Variants in DSPP observed in about 807,000 individuals in gnomAD.
DSPP encodes the protein dentin sialophosphoprotein.
In DSPP, 28 loss-of-function variants were observed where a neutral mutation model predicts 29.1. The ratio of observed to expected loss-of-function variants is 0.96; its 90% CI spans 0.71 to 1.32. DSPP has a LOEUF of 1.32. Among genes scored for constraint, DSPP ranks in the 40% most tolerant of loss-of-function variants. The probability of loss-of-function intolerance (pLI) is 0.00; values close to 1 mark genes in which losing one functional copy is unlikely to be tolerated. For missense variants in DSPP, 1,281 were observed against 1,629.9 expected (o/e 0.79, Z 3.69); for synonymous variants, 481 against 503.4 (o/e 0.96, Z 0.60).
chr4:87,613,144 G>C lies in DSPP; in HGVS notation c.958G>C (p.Asp320His). The C allele has an allele frequency of 6.2e-7, 1 of 1,614,188 alleles. No homozygotes were observed. The highest frequency in any genetic ancestry group is 8.5e-7 in the Non-Finnish European group (1 of 1,180,032). Residue 320 changes from aspartate to histidine, a missense_variant, in exon 4 of 5, where the codon GAC (aspartate) becomes CAC (histidine). Around this residue, in one of 4 missense-constraint regions of DSPP, gnomAD observed 631 missense variants for 643.2 expected, o/e 0.98. Coordinates refer to ENST00000651931, the MANE Select transcript of DSPP (RefSeq NM_014208.3). ...AGATCCCCATAATGAAGTTGATGGA[G>C]ACAAGACCTCCAAGAGTGAGGAGAA... Reference protein sequence around the residue: ...KEDPHNEVDGDKTSKSEENSA... With the variant: ...KEDPHNEVDGHKTSKSEENSA...
At chr4:87,610,847 A>G (rs1727719511) in intron 1 of DSPP, 34 bp from the exon 2 acceptor site, 10 of 1,407,808 alleles carry the variant, frequency 7.1e-6, no homozygotes, top group South Asian at 4.6e-5. Context: ...CCTTTACTTT[A>G]TAAGTAATTT....
At position 87,612,976 on chromosome 4, in the gene DSPP, G is replaced by T. The variant is rs776955343; in HGVS notation, c.790G>T (p.Asp264Tyr). Residue 264 changes from aspartate (D) to tyrosine (Y), a missense_variant, in exon 4 of 5, where the codon GAT (aspartate) becomes TAT (tyrosine). Coordinates refer to ENST00000651931, the MANE Select transcript of DSPP (RefSeq NM_014208.3). ...DEDEGSGDDE[D>Y]EEAGNGKDSS... ...AGACGAGGGTTCTGGTGATGATGAA[G>T]ATGAAGAAGCAGGGAATGGAAAAGA... 1.9e-6 allele frequency: 3 copies of T among 1,614,170 alleles called. No homozygotes were observed. Among genetic ancestry groups the T allele is most frequent in the Non-Finnish European group, 2.5e-6 (3 of 1,180,030 alleles).
At chr4:87,612,027 G>A in intron 2 of DSPP, 78 bp from the exon 3 acceptor site, 1 of 1,275,300 alleles carries the variant, frequency 7.8e-7, no homozygotes, top group African/African-American at 1.5e-5. Context: ...GTGTGTGTGT[G>A]TGTGTGTGTG....
In DSPP at chr4:87,613,196, G is replaced by T; in HGVS notation, c.1010G>T (p.Gly337Val). The T allele has an allele frequency of 6.2e-7, 1 of 1,614,058 alleles. No homozygotes were observed. The highest frequency in any genetic ancestry group is 1.7e-4 in the Middle Eastern group (1 of 6,060). Residue 337 changes from glycine to valine, a missense_variant, in exon 4 of 5, where the codon GGC (glycine) becomes GTC (valine). Around this residue, in one of 4 missense-constraint regions of DSPP, gnomAD observed 631 missense variants for 643.2 expected, o/e 0.98. Coordinates refer to ENST00000651931, the MANE Select transcript of DSPP (RefSeq NM_014208.3). ...TCTGCTGGTATTCCAGAAGACAATG[G>T]CAGCCAAAGAATAGAGGACACCCAG... ...ENSAGIPEDN[G>V]SQRIEDTQKL...
rs761458838 is a variant in DSPP at position 87,616,185 on chromosome 4, A to G, written c.3523A>G (p.Ser1175Gly). The change falls in exon 5 of 5, where the codon AGT (serine) becomes GGT (glycine). Residue 1175 changes from serine (S) to glycine (G), a missense_variant. By Grantham distance (56) the Ser-to-Gly change is moderately conservative. Coordinates refer to ENST00000651931, the MANE Select transcript of DSPP (RefSeq NM_014208.3). ...CGACAGCAGCGACAGCAGCGATAGCAGTGACAGCAGCAATAGCAGTGATAG... is the reference window on the plus strand; with the variant it reads ...CGACAGCAGCGACAGCAGCGATAGCGGTGACAGCAGCAATAGCAGTGATAG... ...SSDSSDSSDSSDSSNSSDSSD... is the reference protein window; with the variant it reads ...SSDSSDSSDSGDSSNSSDSSD... 5 of 1,547,532 alleles carry G rather than the reference A, an allele frequency of 3.2e-6. No individual in the cohort carries two copies. In the African/African-American group the frequency reaches 6.9e-5, roughly 21 times the overall value.
intron 2 of DSPP, among the ~76,000 whole-genome samples, chr4:87,611,821 C>T (rs916679129): frequency 2.0e-5 from 3 of 152,158 alleles, no homozygotes; most frequent in African/African-American, 7.2e-5. Flanking sequence ...AAGACTCTTT[C>T]CTTCTACAGT....
Position 87,615,999 on chromosome 4 carries a change from GATAGCAGTGACAGCAGTGACAGCAGCA to G in DSPP, c.3364_3390del (p.Asn1122_Ser1130del), listed in dbSNP as rs1560480413. 1.0e-5 allele frequency: 7 copies of G among 690,608 alleles called. 2 individuals carry two copies. The highest frequency in any genetic ancestry group is 4.8e-5 in the South Asian group (3 of 63,052). 42.8% of individuals were successfully genotyped at this position (690,608 alleles called of 1,614,324 possible). ...CAGCAGCGATAGCAGTGACAGCAGCGATAGCAGTGACAGCAGTGACAGCAGCAATAGCAGTGACAGCAGTGACAGCAG... is the reference window on the plus strand; with the variant it reads ...CAGCAGCGATAGCAGTGACAGCAGCGATAGCAGTGACAGCAGTGACAGCAG... On this transcript the variant is annotated inframe_deletion, in exon 5 of 5. Transcript: ENST00000651931.
At chr4:87,611,331 T>C (rs1007699651) in intron 2 of DSPP, among the ~76,000 whole-genome samples, 1 of 152,200 alleles carries the variant, frequency 6.6e-6, no homozygotes, top group African/African-American at 2.4e-5. Context: ...CTTCATACTC[T>C]GTGAATTTCA....
rs1727678540 is a variant in DSPP, at chr4:87,608,552, C to A, written c.-97C>A. 1 of 152,110 alleles carries A rather than the reference C, an allele frequency of 6.6e-6. No homozygotes were observed. Among genetic ancestry groups the A allele is most frequent in the African/African-American group, 2.4e-5 (1 of 41,414 alleles). The allele number at this position is 152,110 out of a possible 1,614,324, so 9.4% of individuals were successfully genotyped here. Reference sequence around the variant, plus strand: ...TCATGCAAAAGTCCAGGACAGTGGGCCACTTTCAGTCTTCAAAGAGAAAGA... The same window carrying A: ...TCATGCAAAAGTCCAGGACAGTGGGACACTTTCAGTCTTCAAAGAGAAAGA... On this transcript the variant is annotated 5_prime_UTR_variant, in exon 1 of 5. Coordinates refer to ENST00000651931, the MANE Select transcript of DSPP (RefSeq NM_014208.3).
chr4:87,615,368 T>G lies in DSPP; in HGVS notation c.2706T>G (p.Asp902Glu). 1 of 1,528,466 alleles carries G rather than the reference T, an allele frequency of 6.5e-7. No homozygotes were observed. The highest frequency in any genetic ancestry group is 8.8e-7 in the Non-Finnish European group (1 of 1,137,254). 94.7% of individuals were successfully genotyped at this position (1,528,466 alleles called of 1,614,324 possible). ...GCAGTGATAGCAGCAACAGCAGTGA[T>G]AGTGACAGCAGTGATAGCAGCAACA... ...SDSSDSSNSS[D>E]SDSSDSSNSS... The change falls in exon 5 of 5, where the codon GAT (aspartate) becomes GAG (glutamate). Residue 902 changes from aspartate to glutamate, a missense_variant. Coordinates refer to ENST00000651931, the MANE Select transcript of DSPP (RefSeq NM_014208.3).
chr4:87,610,838 C>A, intron 1 of DSPP, 43 bp from the exon 2 acceptor site: 2 of 1,354,408 alleles, frequency 1.5e-6, no homozygotes, highest in South Asian at 1.2e-5. Context: ...ATGATTTTCC[C>A]TTTACTTTAT....
rs1026972070 is a variant in DSPP, at chr4:87,613,066, A to G, written c.880A>G (p.Ser294Gly). The change falls in exon 4 of 5, where the codon AGC (serine) becomes GGC (glycine). Residue 294 changes from serine (S) to glycine (G), a missense_variant. By Grantham distance (56) the Ser-to-Gly change is moderately conservative. This residue lies in a region of DSPP where 631 missense variants were observed against 643.2 expected (regional missense o/e 0.98). Transcript: ENST00000651931. ...DHGKEDDHDS[S>G]IGQNSDSKEY... Reference sequence around the variant, plus strand: ...TGGGAAAGAAGATGATCATGATAGTAGCATAGGTCAAAATTCAGATAGTAA... The same window carrying G: ...TGGGAAAGAAGATGATCATGATAGTGGCATAGGTCAAAATTCAGATAGTAA... 5.6e-6 allele frequency: 9 copies of G among 1,614,078 alleles called. No homozygotes were observed. Among genetic ancestry groups the G allele is most frequent in the Non-Finnish European group, 7.6e-6 (9 of 1,180,040 alleles).
At chr4:87,610,001 T>C (rs1279726959) in intron 1 of DSPP, among the ~76,000 whole-genome samples, 1 of 152,210 alleles carries the variant, frequency 6.6e-6, no homozygotes, top group Non-Finnish European at 1.5e-5. Flanking sequence ...CCTGAAGCAA[T>C]GCTAGATATT....
At position 87,611,027 on chromosome 4, in the gene DSPP, T is replaced by G. The variant is rs534780799; in HGVS notation, c.51+68T>G. The G allele has an allele frequency of 3.4e-5, 39 of 1,157,024 alleles. 1 individual carries two copies. The East Asian group carries it at 9.3e-4, about 28-fold the overall frequency. 71.7% of individuals were successfully genotyped at this position (1,157,024 alleles called of 1,614,324 possible). ...TTTTTAACCTAACATTAATACAAAATGTAGTGTGTGTGTGTGTGTGTGTGT... is the reference window on the plus strand; with the variant it reads ...TTTTTAACCTAACATTAATACAAAAGGTAGTGTGTGTGTGTGTGTGTGTGT... On this transcript the variant is annotated intron_variant, in intron 2 of 4. Coordinates refer to ENST00000651931, the MANE Select transcript of DSPP (RefSeq NM_014208.3).
At position 87,612,543 on chromosome 4, in the gene DSPP, T is replaced by C. The variant is rs745658479; in HGVS notation, c.357T>C (p.Tyr119=). The C allele has an allele frequency of 1.9e-6, 3 of 1,613,818 alleles. No homozygotes were observed. The highest frequency in any genetic ancestry group is 1.7e-5 in the Admixed American group (1 of 59,982). ...GGGACACAGGAAAAGCAGAAACATA[T>C]GGTCATGATGGAATACATGGGAAAG... ...WNGDTGKAET[Y]GHDGIHGKEE... Residue 119 remains tyrosine (Y), a synonymous_variant, in exon 4 of 5, where the codon TAT becomes TAC. Coordinates refer to ENST00000651931, the MANE Select transcript of DSPP (RefSeq NM_014208.3).
Position 87,612,011 on chromosome 4 carries a change from TTGTGTGTG to T in DSPP, c.52-71_52-64del, listed in dbSNP as rs36228864. On this transcript the variant is annotated intron_variant, in intron 2 of 4. Transcript: ENST00000651931. ...TTCTTCTTCATGGAGGGAAGAATAT[TTGTGTGTG>T]TGTGTGTGTGTGTGTGTGTGTGCAC... is the stretch of plus-strand genomic sequence containing the variant. 0.44 allele frequency: 464,045 copies of T among 1,063,666 alleles called. 77,975 individuals carry two copies. The highest frequency in any genetic ancestry group is 0.47 in the Non-Finnish European group (335,381 of 709,476). 65.9% of individuals were successfully genotyped at this position (1,063,666 alleles called of 1,614,324 possible).
Position 87,614,981 on chromosome 4 carries a change from C to A in DSPP, c.2319C>A (p.Ser773Arg). The A allele has an allele frequency of 6.4e-7, 1 of 1,551,262 alleles. No homozygotes were observed. Among genetic ancestry groups the A allele is most frequent in the South Asian group, 1.2e-5 (1 of 84,048 alleles). The change falls in exon 5 of 5, where the codon AGC becomes AGA. Residue 773 changes from serine to arginine, a missense_variant. Ser to Arg is a moderately radical substitution (Grantham distance 110, BLOSUM62 -1). Transcript: ENST00000651931. ...GTGACAGCAGTGATAGCAGTGACAG[C>A]AGTGATAGTAGTGACAGCAGCAACA... The part of the protein sequence containing the change: ...NSSDSSDSSD[S>R]SDSSDSSNSS...
intron 1 of DSPP, among the ~76,000 whole-genome samples, chr4:87,609,550 G>A (rs1727697422): frequency 6.6e-6 from 1 of 152,192 alleles, no homozygotes; most frequent in Admixed American, 6.5e-5. Context: ...AGGAGCTCTA[G>A]CTGTTCTTGG....
In DSPP at chr4:87,615,602, C is replaced by G. The variant is rs570505819; in HGVS notation, c.2940C>G (p.Ser980Arg). Residue 980 changes from serine (S) to arginine (R), a missense_variant, in exon 5 of 5, where the codon AGC becomes AGG. Physicochemically the swap from Ser to Arg is moderately radical, Grantham distance 110. Around this residue, in one of 4 missense-constraint regions of DSPP, gnomAD observed 444 missense variants for 611.4 expected, o/e 0.73. Transcript: ENST00000651931. The stretch of plus-strand genomic sequence containing the variant: ...ATAGCAGCGACAGCAGTGACAGCAG[C>G]AACAGCAGCGATAGCAGTGACAGCA... ...DSNSSDSSDS[S>R]NSSDSSDSSD... 3.2e-6 allele frequency: 5 copies of G among 1,546,692 alleles called. No homozygotes were observed. Among genetic ancestry groups the G allele is most frequent in the Admixed American group, 2.0e-5 (1 of 50,674 alleles).
Sources: gnomAD v4.1 joint callset for allele counts (sites outside exome capture counted in the v4.1 genomes callset) on GRCh38, gnomAD v4.1.1 for gene constraint, gnomAD v4.1.1 regional missense constraint, MANE v1.5 for transcripts, NCBI Gene and HGNC (gene_info 2026-07-23, HGNC 2026-07-21) for gene names.